The following TRAPPC9 variants were observed in gnomAD, a reference collection of about 807,000 sequenced individuals.
TRAPPC9 encodes the protein IKK2 binding protein.
TRAPPC9 carries 83 observed loss-of-function variants against 124.0 expected under a neutral mutation model. That is an observed-to-expected ratio of 0.67 (90% CI 0.56 to 0.80). The LOEUF is 0.80. TRAPPC9 is among the 30% of genes least tolerant of loss of function. The probability of loss-of-function intolerance (pLI) is 0.00; values close to 1 mark genes in which losing one functional copy is unlikely to be tolerated. For synonymous variants in TRAPPC9, 638 were observed against 617.5 expected, an observed-to-expected ratio of 1.03 and a Z score of -0.49; for missense variants, 1,302 against 1,508.3, an observed-to-expected ratio of 0.86 and a Z score of 2.27.
chr8:140,445,919 G>C (rs1282029905), intron 2 of TRAPPC9, among the ~76,000 whole-genome samples: 1 of 152,200 alleles, frequency 6.6e-6, no homozygotes, highest in Non-Finnish European at 1.5e-5. Context: ...TGTCCTGCAG[G>C]GCTGCCCTTG....
At chr8:140,379,007 G>A (rs74936911) in intron 7 of TRAPPC9, among the ~76,000 whole-genome samples, 4,298 of 152,074 alleles carry the variant, frequency 0.028, 96 homozygotes, top group Non-Finnish European at 0.046. Context: ...AGAGTTTTTG[G>A]ACCACTATAT....
At chr8:140,458,271 C>T (rs117206975), upstream of TRAPPC9, 23,130 of 1,552,694 alleles carry the variant, frequency 0.015, 217 homozygotes, top group Non-Finnish European at 0.018. Context: ...GTTCTGTCCC[C>T]GCCGCTTACC....
intron 14 of TRAPPC9, among the ~76,000 whole-genome samples, chr8:140,278,024 G>T (rs1444189228): frequency 6.6e-6 from 1 of 152,168 alleles, no homozygotes; most frequent in Non-Finnish European, 1.5e-5. Context: ...TGTCCCCCGA[G>T]CACTCTGTGG....
At chr8:140,415,133 C>G (rs2069869162) in intron 5 of TRAPPC9, among the ~76,000 whole-genome samples, 1 of 152,024 alleles carries the variant, frequency 6.6e-6, no homozygotes, top group Non-Finnish European at 1.5e-5. Context: ...ATCTCTTGAG[C>G]CCAGGAATTC....
chr8:140,005,581 C>T (rs1164729270), intron 18 of TRAPPC9, among the ~76,000 whole-genome samples: 1 of 152,012 alleles, frequency 6.6e-6, no homozygotes, highest in Non-Finnish European at 1.5e-5. Context: ...ATCAGCACGG[C>T]TTATTGGGGG....
At chr8:139,926,133 G>C (rs867931051) in intron 19 of TRAPPC9, among the ~76,000 whole-genome samples, 86 of 152,364 alleles carry the variant, frequency 5.6e-4, no homozygotes, top group African/African-American at 2.0e-3. Context: ...TCCAAGGCTG[G>C]TTGTTAAAAA....
At chr8:139,950,428 A>G (rs923527489) in intron 19 of TRAPPC9, among the ~76,000 whole-genome samples, 2 of 152,176 alleles carry the variant, frequency 1.3e-5, no homozygotes, top group African/African-American at 4.8e-5. Flanking sequence ...GTGGTTGGGG[A>G]ACTTGTCCAG....
chr8:140,243,442 A>G (rs2063911764), intron 16 of TRAPPC9, among the ~76,000 whole-genome samples: 1 of 152,240 alleles, frequency 6.6e-6, no homozygotes, highest in Non-Finnish European at 1.5e-5. Flanking sequence ...AAAGCCTTAA[A>G]AAAAGTGGCA....
intron 17 of TRAPPC9, among the ~76,000 whole-genome samples, chr8:140,107,404 A>G (rs777394211): frequency 2.6e-5 from 4 of 152,242 alleles, no homozygotes; most frequent in Non-Finnish European, 4.4e-5. Flanking sequence ...TAAGACCAGA[A>G]CATCAAGTAA....
intron 21 of TRAPPC9, among the ~76,000 whole-genome samples, chr8:139,883,904 C>T (rs1291549678): frequency 6.6e-6 from 1 of 152,180 alleles, no homozygotes; most frequent in Non-Finnish European, 1.5e-5. Context: ...GAAAACCTCA[C>T]TCACGGGACT....
At chr8:140,223,570 ACTT>A (rs1344212962) in intron 16 of TRAPPC9, among the ~76,000 whole-genome samples, 2 of 152,330 alleles carry the variant, frequency 1.3e-5, no homozygotes, top group South Asian at 4.1e-4. Flanking sequence ...CATCTAAGTA[ACTT>A]CTTATTAAGA....
rs1817698568 is a variant in TRAPPC9, at chr8:139,729,470, CCTT to C, written c.*1588_*1590del. Among the ~76,000 whole-genome samples the C allele has an allele frequency of 6.6e-6, 1 of 152,242 alleles. No individual in the cohort carries two copies. The highest frequency in any genetic ancestry group is 1.5e-5 in the Non-Finnish European group (1 of 68,038). On this transcript the variant is annotated 3_prime_UTR_variant, in exon 23 of 23. Coordinates refer to ENST00000438773, the MANE Select transcript of TRAPPC9 (RefSeq NM_001160372.4). The stretch of plus-strand genomic sequence containing the variant: ...GTCTCCACCCCCTACTGCAGCCAGA[CCTT>C]CTGGGGCTGCCTTCCCTGGGGAGCC...
At position 139,980,122 on chromosome 8, in the gene TRAPPC9, GC is replaced by G. The variant is rs374523539; in HGVS notation, c.2810+8603del. Among the ~76,000 whole-genome samples, 108 of 151,874 alleles carry G rather than the reference GC, an allele frequency of 7.1e-4. 1 individual carries two copies. Among genetic ancestry groups the G allele is most frequent in the African/African-American group, 2.4e-3 (101 of 41,374 alleles). On this transcript the variant is annotated intron_variant, in intron 19 of 22. Coordinates refer to ENST00000438773, the MANE Select transcript of TRAPPC9 (RefSeq NM_001160372.4). ...TCTCAAATGGCTGTGGCAGCTCCAT[GC>G]CCCCCCAGACTTCTCTAACAAGATG...
rs1197128988 is a variant in TRAPPC9 at position 140,051,576 on chromosome 8, C to CTTTT, written c.2557-27501_2557-27498dup. Among the ~76,000 whole-genome samples the CTTTT allele has an allele frequency of 7.2e-3, 634 of 87,788 alleles. 12 individuals are homozygous for CTTTT. Among genetic ancestry groups the CTTTT allele is most frequent in the African/African-American group, 0.023 (487 of 21,352 alleles). The allele number at this position is 87,788 out of a possible 152,430, so 57.6% of individuals were successfully genotyped here. On this transcript the variant is annotated intron_variant, in intron 17 of 22. Transcript: ENST00000438773. ...CCCACACAGGAAAACATTGTTCATT[C>CTTTT]TTTTTTTTTTTTTTTTTTTTTTTGC...
intron 17 of TRAPPC9, among the ~76,000 whole-genome samples, chr8:140,067,857 T>G (rs1209515381): frequency 2.0e-5 from 3 of 152,206 alleles, no homozygotes; most frequent in Non-Finnish European, 4.4e-5. Flanking sequence ...GAAGCTTGGC[T>G]GCCAACTTCA....
At chr8:140,272,300 G>C (rs2064955028) in intron 15 of TRAPPC9, among the ~76,000 whole-genome samples, 1 of 149,456 alleles carries the variant, frequency 6.7e-6, no homozygotes, top group Non-Finnish European at 1.5e-5. Flanking sequence ...AGTTGTGACA[G>C]TGGTGGTTGT....
chr8:139,852,089 A>G (rs1300268205), intron 21 of TRAPPC9, among the ~76,000 whole-genome samples: 4 of 152,186 alleles, frequency 2.6e-5, no homozygotes, highest in African/African-American at 4.8e-5. Flanking sequence ...GATAGTGAGT[A>G]CGTCTCATGA....
At chr8:140,145,204 T>C (rs1363227711) in intron 17 of TRAPPC9, among the ~76,000 whole-genome samples, 2 of 152,222 alleles carry the variant, frequency 1.3e-5, no homozygotes, top group Non-Finnish European at 1.5e-5. Flanking sequence ...AGTTTATCCA[T>C]AGATTGTCTT....
intron 20 of TRAPPC9, among the ~76,000 whole-genome samples, chr8:139,893,824 C>T (rs1433325125): frequency 1.3e-5 from 2 of 152,234 alleles, no homozygotes; most frequent in Admixed American, 1.3e-4. Context: ...GGGACCGAGC[C>T]TCGGGAAGGT....
Sources: gnomAD v4.1 joint callset for allele counts (sites outside exome capture counted in the v4.1 genomes callset) on GRCh38, gnomAD v4.1.1 for gene constraint, MANE v1.5 for transcripts, NCBI Gene and HGNC (gene_info 2026-07-23, HGNC 2026-07-21) for gene names.